The following SART1 variants were observed in gnomAD, a reference collection of about 807,000 sequenced individuals.
SART1 encodes the protein U4/U6.U5 tri-snRNP-associated protein 1.
Under a neutral mutation model 105.0 loss-of-function variants are expected in SART1, and 28 were observed. That is an observed-to-expected ratio of 0.27 (90% CI 0.20 to 0.37). SART1 has a LOEUF of 0.37. SART1 is among the 10% of genes least tolerant of loss of function. The pLI, the probability that SART1 is intolerant of heterozygous loss-of-function variation, is 1.00. For synonymous variants in SART1, 472 were observed against 462.9 expected (o/e 1.02, Z -0.25); for missense variants, 894 against 1,106.5 (o/e 0.81, Z 2.72).
intron 12 of SART1, among the ~76,000 whole-genome samples, chr11:65,972,107 T>A (rs534870547): frequency 6.6e-6 from 1 of 152,196 alleles, no homozygotes; most frequent in Non-Finnish European, 1.5e-5. Context: ...GACAATATAT[T>A]GTCAAGATGT....
In SART1 at chr11:65,978,489, C is replaced by G; in HGVS notation, c.2173-111C>G. The G allele has an allele frequency of 9.8e-7, 1 of 1,015,468 alleles. No homozygotes were observed. The highest frequency in any genetic ancestry group is 1.5e-6 in the Non-Finnish European group (1 of 670,404). 62.9% of individuals were successfully genotyped at this position (1,015,468 alleles called of 1,614,324 possible). On this transcript the variant is annotated intron_variant, in intron 17 of 19. Transcript: ENST00000312397. The surrounding 1 kb of genome is among the most constrained non-coding windows in gnomAD (Gnocchi z 6.8). ...CATCCCCTTCCCACTGCACCCCAGG[C>G]CTGGCATTGGGGTCAATCAACACCC... is the stretch of plus-strand genomic sequence containing the variant.
Position 65,977,750 on chromosome 11 carries a change from C to T in SART1, c.2037-14C>T. On this transcript the variant is annotated splice_polypyrimidine_tract_variant and intron_variant, in intron 16 of 19. Coordinates refer to ENST00000312397, the MANE Select transcript of SART1 (RefSeq NM_005146.5). ...GCAGCTCCTCACACTAAGGCCTCCT[C>T]TGTCTCGGGCCAGGGCCATCGATGA... 1 of 1,614,048 alleles carries T rather than the reference C, an allele frequency of 6.2e-7. No homozygotes were observed. Among genetic ancestry groups the T allele is most frequent in the Admixed American group, 1.7e-5 (1 of 60,012 alleles).
In SART1 at chr11:65,965,465, A is replaced by C. The variant is rs1855230574; in HGVS notation, c.660+18A>C. 1 of 1,549,528 alleles carries C rather than the reference A, an allele frequency of 6.5e-7. No individual in the cohort carries two copies. The highest frequency in any genetic ancestry group is 2.4e-5 in the East Asian group (1 of 41,000). On this transcript the variant is annotated intron_variant, in intron 5 of 19. Transcript: ENST00000312397. ...AGAAGAGGGTGAGCACCTGGGCAGC[A>C]TGGGGTGGTCGCCTAGTGCTTCTGG...
In SART1 at chr11:65,976,612, G is replaced by T; in HGVS notation, c.1746+44G>T. The T allele has an allele frequency of 1.2e-6, 2 of 1,613,432 alleles. No individual in the cohort carries two copies. The highest frequency in any genetic ancestry group is 2.7e-5 in the African/African-American group (2 of 75,064). On this transcript the variant is annotated intron_variant, in intron 13 of 19. Coordinates refer to ENST00000312397, the MANE Select transcript of SART1 (RefSeq NM_005146.5). This position sits in a 1 kb window ranked among gnomAD's most constrained non-coding sequence, Gnocchi z 5.1. The stretch of plus-strand genomic sequence containing the variant: ...CGCCCTCTGCTTCCCTCGGCTGGGT[G>T]GGCTGGCTGGGGCCTGGGCCGACCC...
intron 9 of SART1, 86 bp downstream of exon 9, chr11:65,966,642 G>A (rs1474528047): frequency 1.0e-5 from 14 of 1,374,118 alleles, no homozygotes; most frequent in Non-Finnish European, 1.3e-5. Flanking sequence ...TGAGAAGACA[G>A]GGCGAGTATT....
chr11:65,970,251 C>T (rs894660180), intron 12 of SART1, among the ~76,000 whole-genome samples: 6 of 152,164 alleles, frequency 3.9e-5, no homozygotes, highest in African/African-American at 7.2e-5. Flanking sequence ...GGCCTTCTCC[C>T]GCATAGCCAC....
Position 65,965,927 on chromosome 11 carries a change from A to G in SART1, c.779A>G (p.Glu260Gly). 6.2e-7 allele frequency: 1 copy of G among 1,614,012 alleles called. No individual in the cohort carries two copies. Among genetic ancestry groups the G allele is most frequent in the East Asian group, 2.2e-5 (1 of 44,876 alleles). ...SARDLQGLTV[E>G]HAIDSFREGE... ...CGGGACCTGCAGGGCCTCACCGTGG[A>G]GCATGCCATTGATTCCTTCCGAGAA... is the stretch of plus-strand genomic sequence containing the variant. Residue 260 changes from glutamate to glycine, a missense_variant, in exon 7 of 20, where the codon GAG (glutamate) becomes GGG (glycine). By Grantham distance (98) the Glu-to-Gly change is moderately conservative (BLOSUM62 -2). Around this residue, in one of 2 missense-constraint regions of SART1, gnomAD observed 712 missense variants for 778.2 expected, o/e 0.91. Transcript: ENST00000312397.
chr11:65,976,487 C>T lies in SART1; in HGVS notation c.1665C>T (p.Ala555=). 1 of 1,579,856 alleles carries T rather than the reference C, an allele frequency of 6.3e-7. No homozygotes were observed. Among genetic ancestry groups the T allele is most frequent in the Non-Finnish European group, 8.6e-7 (1 of 1,163,074 alleles). Residue 555 remains alanine, a synonymous_variant, in exon 13 of 20, where the codon GCC becomes GCT. Transcript: ENST00000312397. The surrounding 1 kb of genome is among the most constrained non-coding windows in gnomAD (Gnocchi z 5.1). ...PERKGAIVFN[A]TSEFCRTLGE... ...GGAAGGGGGCCATCGTGTTCAACGC[C>T]ACGTCCGAGTTCTGCCGCACCTTGG...
At chr11:65,973,400 C>A (rs1161660804) in intron 12 of SART1, among the ~76,000 whole-genome samples, 1 of 152,112 alleles carries the variant, frequency 6.6e-6, no homozygotes, top group Non-Finnish European at 1.5e-5. Context: ...GAAAGCCTAA[C>A]TCACCAGGAA....
At chr11:65,962,992 G>T (rs1023886156) in intron 1 of SART1, among the ~76,000 whole-genome samples, 2 of 152,022 alleles carry the variant, frequency 1.3e-5, no homozygotes, top group East Asian at 1.9e-4. Flanking sequence ...GAGCGGGGGT[G>T]GGGGGAGATA....
In SART1 at chr11:65,978,967, C is replaced by A. The variant is rs1265479244; in HGVS notation, c.2385-45C>A. ...GGTGTGGTGGGGAGGGGTGGCGTGG[C>A]CTGTGCCCGCCTCTGCAGCCTCACG... On this transcript the variant is annotated intron_variant, in intron 19 of 19. Transcript: ENST00000312397. The surrounding 1 kb of genome is among the most constrained non-coding windows in gnomAD (Gnocchi z 6.8). 2 of 1,613,248 alleles carry A rather than the reference C, an allele frequency of 1.2e-6. No individual in the cohort carries two copies. Among genetic ancestry groups the A allele is most frequent in the African/African-American group, 2.7e-5 (2 of 74,886 alleles).
chr11:65,978,294 G>T lies in SART1; in HGVS notation c.2173-306G>T, dbSNP rs376362292. On this transcript the variant is annotated intron_variant, in intron 17 of 19. Coordinates refer to ENST00000312397, the MANE Select transcript of SART1 (RefSeq NM_005146.5). The surrounding 1 kb of genome is among the most constrained non-coding windows in gnomAD (Gnocchi z 6.8). ...CTCAGCTGCCCCCTTGCTCTCTGGG[G>T]TTTGTCTCCCTGCAGCCCCAGCCCC... 1.2e-5 allele frequency: 6 copies of T among 512,424 alleles called. No homozygotes were observed. The highest frequency in any genetic ancestry group is 7.4e-5 in the East Asian group (2 of 27,046). 31.7% of individuals were successfully genotyped at this position (512,424 alleles called of 1,614,324 possible).
rs1855284085 is a variant in SART1, at chr11:65,967,514, G to A, written c.1357G>A (p.Glu453Lys). ...GRRRVSEVEE[E>K]KEPVPQPLPS... ...CCGCCGAGTGTCCGAAGTGGAGGAG[G>A]AGAAGGAGCCTGTGCCTCAGCCCCT... The change falls in exon 11 of 20, where the codon GAG becomes AAG. Residue 453 changes from glutamate to lysine, a missense_variant. By Grantham distance (56) the Glu-to-Lys change is moderately conservative. This residue lies in a region of SART1 where 712 missense variants were observed against 778.2 expected (regional missense o/e 0.91). Transcript: ENST00000312397. The A allele has an allele frequency of 5.6e-6, 9 of 1,612,986 alleles. No individual in the cohort carries two copies. Among genetic ancestry groups the A allele is most frequent in the Non-Finnish European group, 7.6e-6 (9 of 1,179,944 alleles).
In SART1 at chr11:65,961,764, G is replaced by A. The variant is rs113710714; in HGVS notation, c.-17G>A. 1 of 1,479,550 alleles carries A rather than the reference G, an allele frequency of 6.8e-7. No individual in the cohort carries two copies. Among genetic ancestry groups the A allele is most frequent in the Non-Finnish European group, 8.9e-7 (1 of 1,121,042 alleles). 91.7% of individuals were successfully genotyped at this position (1,479,550 alleles called of 1,614,324 possible). On this transcript the variant is annotated 5_prime_UTR_variant, in exon 1 of 20. Coordinates refer to ENST00000312397, the MANE Select transcript of SART1 (RefSeq NM_005146.5). Reference sequence around the variant, plus strand: ...TCTGGGCTCGGCGGCAGCCGGGCTCGGAGTGGACGTGCCACTATGGGGTCG... The same window carrying A: ...TCTGGGCTCGGCGGCAGCCGGGCTCAGAGTGGACGTGCCACTATGGGGTCG...
At chr11:65,966,692 A>G in intron 9 of SART1, 136 bp downstream of exon 9, 1 of 1,016,794 alleles carries the variant, frequency 9.8e-7, no homozygotes, top group Non-Finnish European at 1.4e-6. Context: ...TGAGCACTAA[A>G]TGGCAACCGG....
Position 65,965,334 on chromosome 11 carries a change from C to G in SART1, c.555-8C>G, listed in dbSNP as rs371662642. 6.3e-6 allele frequency: 10 copies of G among 1,592,604 alleles called. 1 individual carries two copies. The highest frequency in any genetic ancestry group is 5.1e-6 in the Non-Finnish European group (6 of 1,169,642). ...GGCTCCTTGAGCATCACTTTTTCCC[C>G]TCTTCAGGAAGATAAAGACCCTAGG... On this transcript the variant is annotated splice_polypyrimidine_tract_variant and splice_region_variant and intron_variant, in intron 4 of 19. Coordinates refer to ENST00000312397, the MANE Select transcript of SART1 (RefSeq NM_005146.5).
chr11:65,978,925 C>G lies in SART1; in HGVS notation c.2384+11C>G. On this transcript the variant is annotated intron_variant, in intron 19 of 19. Transcript: ENST00000312397. The surrounding 1 kb of genome is among the most constrained non-coding windows in gnomAD (Gnocchi z 6.8). ...CAAGAGCATGAACGCGTGAGTGGCT[C>G]GAGGCTGGTGGGGTAGGGTGTGGTG... 1 of 1,613,654 alleles carries G rather than the reference C, an allele frequency of 6.2e-7. No individual in the cohort carries two copies. The highest frequency in any genetic ancestry group is 2.2e-5 in the East Asian group (1 of 44,872).
chr11:65,972,272 G>T (rs1252984260), intron 12 of SART1, among the ~76,000 whole-genome samples: 1 of 152,160 alleles, frequency 6.6e-6, no homozygotes. Context: ...AGAACAGAGA[G>T]ACCAGACAGC....
In SART1 at chr11:65,965,683, AC is replaced by A; in HGVS notation, c.661-15del. 2 of 1,609,866 alleles carry A rather than the reference AC, an allele frequency of 1.2e-6. No homozygotes were observed. The highest frequency in any genetic ancestry group is 8.5e-7 in the Non-Finnish European group (1 of 1,177,672). ...GCTGAGTGGCCTGAAGTCCTAGGTC[AC>A]CCCTCCCTGTCCCGTAGGCCAAGTT... On this transcript the variant is annotated intron_variant, in intron 5 of 19. Transcript: ENST00000312397.
Sources: allele counts gnomAD v4.1 joint callset (sites outside exome capture counted in the v4.1 genomes callset), GRCh38; gene constraint gnomAD v4.1.1; regional missense constraint gnomAD v4.1.1; non-coding constraint Gnocchi (gnomAD v3.1); transcripts MANE v1.5; gene names NCBI Gene and HGNC (gene_info 2026-07-23, HGNC 2026-07-21).